MAN1A1: variants seen among roughly 807,000 people sequenced by gnomAD.
MAN1A1 encodes the protein mannosidase alpha class 1A member 1, also known as mannosyl-oligosaccharide 1,2-alpha-mannosidase IA.
MAN1A1 carries 29 observed loss-of-function variants against 70.8 expected under a neutral mutation model. The observed-to-expected ratio is 0.41, with a 90% CI of 0.31 to 0.56. The LOEUF is 0.56. Among genes scored for constraint, MAN1A1 ranks in the 20% least tolerant of loss-of-function variants. MAN1A1 has a pLI of 0.29. For synonymous variants in MAN1A1, 349 were observed against 330.1 expected, an observed-to-expected ratio of 1.06 and a Z score of -0.62; for missense variants, 747 against 841.3, an observed-to-expected ratio of 0.89 and a Z score of 1.39.
intron 2 of MAN1A1, among the ~76,000 whole-genome samples, chr6:119,347,916 A>T (rs1171909850): frequency 6.6e-6 from 1 of 152,212 alleles, no homozygotes; most frequent in African/African-American, 2.4e-5. Flanking sequence ...TTATATTTTC[A>T]TTTTTTAAAA....
chr6:119,254,275 G>A (rs574222110), intron 5 of MAN1A1, among the ~76,000 whole-genome samples: 1 of 152,250 alleles, frequency 6.6e-6, no homozygotes, highest in South Asian at 2.1e-4. Context: ...AGAGAGCCCC[G>A]GACCCAGGTC....
At chr6:119,225,425 G>GGAGGAGA (rs1562200042) in intron 6 of MAN1A1, among the ~76,000 whole-genome samples, 1 of 150,944 alleles carries the variant, frequency 6.6e-6, no homozygotes, top group Non-Finnish European at 1.5e-5. Flanking sequence ...GAAAGAGAAG[G>GGAGGAGA]AGGAGGAGAA....
chr6:119,219,450 C>T (rs953499642), intron 6 of MAN1A1, among the ~76,000 whole-genome samples: 6 of 152,164 alleles, frequency 3.9e-5, no homozygotes, highest in East Asian at 1.9e-4. Flanking sequence ...CACTTACCTA[C>T]CCCACCTTAT....
At chr6:119,220,602 T>C (rs944656330) in intron 6 of MAN1A1, among the ~76,000 whole-genome samples, 2 of 152,186 alleles carry the variant, frequency 1.3e-5, no homozygotes, top group Non-Finnish European at 2.9e-5. Context: ...CACAACAACC[T>C]CGTAGATGGT....
At chr6:119,289,838 T>C (rs184717795) in intron 5 of MAN1A1, among the ~76,000 whole-genome samples, 1 of 152,112 alleles carries the variant, frequency 6.6e-6, no homozygotes, top group East Asian at 1.9e-4. Context: ...TAGCAATACA[T>C]GAAATACTGG....
chr6:119,296,950 C>T (rs1232433698), intron 4 of MAN1A1, among the ~76,000 whole-genome samples: 1 of 152,320 alleles, frequency 6.6e-6, no homozygotes, highest in African/African-American at 2.4e-5. Flanking sequence ...AAAATTTTAA[C>T]ACAGCTTTAG....
At chr6:119,276,738 A>AT (rs746163902) in intron 5 of MAN1A1, among the ~76,000 whole-genome samples, 30 of 152,252 alleles carry the variant, frequency 2.0e-4, no homozygotes, top group Non-Finnish European at 4.0e-4. Context: ...ACTGAAACAC[A>AT]TAAGTTAGCA....
intron 7 of MAN1A1, among the ~76,000 whole-genome samples, chr6:119,201,815 A>C (rs1414449458): frequency 6.6e-6 from 1 of 152,234 alleles, no homozygotes; most frequent in African/African-American, 2.4e-5. Context: ...GTATCTAAAC[A>C]CAGAAAAATA....
At chr6:119,246,024 T>C (rs1229856773) in intron 6 of MAN1A1, among the ~76,000 whole-genome samples, 1 of 152,214 alleles carries the variant, frequency 6.6e-6, no homozygotes, top group Non-Finnish European at 1.5e-5. Flanking sequence ...ACACTAAGGA[T>C]AGATTTAACT....
At chr6:119,214,377 GTAAC>G (rs1774139428) in intron 6 of MAN1A1, among the ~76,000 whole-genome samples, 2 of 152,134 alleles carry the variant, frequency 1.3e-5, no homozygotes, top group African/African-American at 4.8e-5. Flanking sequence ...AAAGAACAAA[GTAAC>G]TGGCTGATAG....
intron 2 of MAN1A1, among the ~76,000 whole-genome samples, chr6:119,309,309 T>C (rs1489601606): frequency 6.6e-6 from 1 of 152,224 alleles, no homozygotes; most frequent in Non-Finnish European, 1.5e-5. Context: ...AAGTCACATA[T>C]AAAATCAACT....
intron 5 of MAN1A1, among the ~76,000 whole-genome samples, chr6:119,261,777 G>T (rs1775621436): frequency 6.6e-6 from 1 of 152,142 alleles, no homozygotes; most frequent in African/African-American, 2.4e-5. Flanking sequence ...TATGATTTAT[G>T]TACATTACAT....
intron 11 of MAN1A1, among the ~76,000 whole-genome samples, chr6:119,183,027 C>A (rs113006100): frequency 6.6e-6 from 1 of 151,998 alleles, no homozygotes; most frequent in Non-Finnish European, 1.5e-5. Context: ...AGAAAAGAGG[C>A]GAGGGAAAGT....
At chr6:119,244,805 A>T (rs1349854138) in intron 6 of MAN1A1, among the ~76,000 whole-genome samples, 1 of 152,136 alleles carries the variant, frequency 6.6e-6, no homozygotes, top group Non-Finnish European at 1.5e-5. Context: ...CACAAAAATA[A>T]ATTCTGCTTT....
intron 5 of MAN1A1, among the ~76,000 whole-genome samples, chr6:119,260,319 AT>A (rs1218143702): frequency 6.6e-6 from 1 of 152,238 alleles, no homozygotes; most frequent in Non-Finnish European, 1.5e-5. Context: ...AAATAGCTGT[AT>A]CATACACTAG....
intron 11 of MAN1A1, among the ~76,000 whole-genome samples, chr6:119,184,670 CTG>C (rs931522799): frequency 6.6e-6 from 1 of 151,632 alleles, no homozygotes; most frequent in Admixed American, 6.6e-5. Context: ...AAGAAAATGT[CTG>C]TGCAAAAAAA....
intron 2 of MAN1A1, among the ~76,000 whole-genome samples, chr6:119,321,920 GC>G (rs1265400128): frequency 1.3e-5 from 2 of 152,154 alleles, no homozygotes; most frequent in South Asian, 2.1e-4. Flanking sequence ...CCCCGGCCCT[GC>G]AAATGTTTAC....
intron 5 of MAN1A1, among the ~76,000 whole-genome samples, chr6:119,250,632 C>T (rs995131010): frequency 7.7e-6 from 1 of 130,302 alleles, no homozygotes; most frequent in African/African-American, 2.9e-5. Flanking sequence ...TCAGACTCCT[C>T]TCTCTTGTTC....
At chr6:119,290,825 T>C in intron 4 of MAN1A1, 62 bp from the exon 5 acceptor site, 1 of 965,962 alleles carries the variant, frequency 1.0e-6, no homozygotes, top group Non-Finnish European at 1.6e-6. Context: ...ATTATTGTGA[T>C]AAATTATACT....
Sources: gnomAD v4.1 joint callset for allele counts (sites outside exome capture counted in the v4.1 genomes callset) on GRCh38, gnomAD v4.1.1 for gene constraint, MANE v1.5 for transcripts, NCBI Gene and HGNC (gene_info 2026-07-23, HGNC 2026-07-21) for gene names.